The following MPP7 variants were observed in gnomAD, a reference collection of about 807,000 sequenced individuals.
MPP7 encodes MAGUK p55 scaffold protein 7.
MPP7 carries 60 observed loss-of-function variants against 76.5 expected under a neutral mutation model. The ratio of observed to expected loss-of-function variants is 0.78; its 90% CI spans 0.64 to 0.97. The LOEUF is 0.97. Among genes scored for constraint, MPP7 ranks in the 50% least tolerant of loss-of-function variants. The pLI is 0.00. For missense variants in MPP7, 641 were observed against 694.0 expected, an observed-to-expected ratio of 0.92 and a Z score of 0.86; for synonymous variants, 237 against 244.5, an observed-to-expected ratio of 0.97 and a Z score of 0.29.
At chr10:28,229,363 A>C (rs1838800921) in intron 2 of MPP7, among the ~76,000 whole-genome samples, 1 of 152,238 alleles carries the variant, frequency 6.6e-6, no homozygotes, top group Non-Finnish European at 1.5e-5. Context: ...CTGCTAACCT[A>C]GCGTTATGTG....
At chr10:28,098,491 C>A (rs977168879) in intron 11 of MPP7, among the ~76,000 whole-genome samples, 2 of 151,440 alleles carry the variant, frequency 1.3e-5, no homozygotes, top group Non-Finnish European at 2.9e-5. Context: ...TTCAAACTTA[C>A]TGTAATATTA....
At chr10:28,273,600 G>A (rs2133047410) in intron 1 of MPP7, among the ~76,000 whole-genome samples, 1 of 152,316 alleles carries the variant, frequency 6.6e-6, no homozygotes, top group South Asian at 2.1e-4. Flanking sequence ...TCATGTTTAA[G>A]AGCAGCATTC....
intron 12 of MPP7, among the ~76,000 whole-genome samples, chr10:28,079,084 C>T (rs571002504): frequency 6.6e-6 from 1 of 152,238 alleles, no homozygotes; most frequent in South Asian, 2.1e-4. Context: ...GACATTATTG[C>T]CTCATTTCAT....
chr10:28,116,999 G>A (rs1005439552), intron 11 of MPP7, among the ~76,000 whole-genome samples: 2 of 152,038 alleles, frequency 1.3e-5, no homozygotes, highest in Admixed American at 1.3e-4. Flanking sequence ...GTGCAAAAAT[G>A]CAAAGACAGT....
chr10:28,233,289 ATTTAG>A (rs1838951924), intron 2 of MPP7, among the ~76,000 whole-genome samples: 1 of 152,242 alleles, frequency 6.6e-6, no homozygotes, highest in African/African-American at 2.4e-5. Flanking sequence ...GAGAACTCAT[ATTTAG>A]TTTAGTATAG....
In MPP7 at chr10:28,302,422, T is replaced by G. The variant is rs557956073; in HGVS notation, c.-132+439A>C. 2.6e-5 allele frequency among the ~76,000 whole-genome samples: 4 copies of G among 152,336 alleles called. No homozygotes were observed. In the South Asian group the frequency reaches 8.3e-4, roughly 32 times the overall value. ...AAACATGTAATTAACACGACCCAAG[T>G]GAAGACGCCTTTCTGGCTTAGGGAA... On this transcript the variant is annotated intron_variant, in intron 1 of 16. Coordinates refer to ENST00000683449, the MANE Select transcript of MPP7 (RefSeq NM_001318170.2).
chr10:28,237,054 T>G (rs1172767359), intron 2 of MPP7: 1 of 152,214 alleles, frequency 6.6e-6, no homozygotes, highest in African/African-American at 2.4e-5. Flanking sequence ...TTTAAATTCT[T>G]AATAGCCTAT....
chr10:28,309,274 C>T (rs1371696799), intron 2 of MPP7, among the ~76,000 whole-genome samples: 2 of 151,876 alleles, frequency 1.3e-5, no homozygotes, highest in South Asian at 2.1e-4. Context: ...ATTAGCTGAG[C>T]GTGGTGGCAG....
At chr10:28,158,880 T>TGTCTC (rs1278553792) in intron 3 of MPP7, among the ~76,000 whole-genome samples, 1 of 152,182 alleles carries the variant, frequency 6.6e-6, no homozygotes, top group African/African-American at 2.4e-5. Flanking sequence ...GGCCAACTTC[T>TGTCTC]GTCTCCCTGT....
chr10:28,304,437 T>A (rs1330601403), upstream of MPP7, among the ~76,000 whole-genome samples: 1 of 152,130 alleles, frequency 6.6e-6, no homozygotes, highest in African/African-American at 2.4e-5. Context: ...AAGGTAAACA[T>A]AAACTTAAAG....
At position 28,262,216 on chromosome 10, in the gene MPP7, TATATATATACATATATATATATATATAC is replaced by T. The variant is rs1564741326; in HGVS notation, c.-131-23509_-131-23482del. On this transcript the variant is annotated intron_variant, in intron 1 of 16. Coordinates refer to ENST00000683449, the MANE Select transcript of MPP7 (RefSeq NM_001318170.2). Reference sequence around the variant, plus strand: ...ATATATATATATATATACATATATATATATATATACATATATATATATATATACATATATATATATATGTATATATATA... The same window carrying T: ...ATATATATATATATATACATATATATATATATATATATATGTATATATATA... Among the ~76,000 whole-genome samples the T allele has an allele frequency of 5.5e-3, 340 of 61,300 alleles. 37 individuals are homozygous for T. Among genetic ancestry groups the T allele is most frequent in the African/African-American group, 0.024 (314 of 12,864 alleles). 40.2% of individuals were successfully genotyped at this position (61,300 alleles called of 152,430 possible).
chr10:28,327,866 T>C (rs571530288), intron 2 of MPP7, among the ~76,000 whole-genome samples: 46 of 152,160 alleles, frequency 3.0e-4, no homozygotes, highest in Non-Finnish European at 5.9e-4. Context: ...CAGAAAGAGC[T>C]CGGATAATAA....
intron 11 of MPP7, among the ~76,000 whole-genome samples, chr10:28,094,513 T>C (rs1853472055): frequency 6.6e-6 from 1 of 152,144 alleles, no homozygotes; most frequent in African/African-American, 2.4e-5. Context: ...CTGTGGCATA[T>C]GGTAAGTGCT....
chr10:28,164,672 T>A (rs965850042), intron 3 of MPP7, among the ~76,000 whole-genome samples: 1 of 151,868 alleles, frequency 6.6e-6, no homozygotes, highest in Non-Finnish European at 1.5e-5. Context: ...TATGAGATTT[T>A]TTTTTTTCAG....
At chr10:28,271,830 C>A (rs564315961) in intron 1 of MPP7, among the ~76,000 whole-genome samples, 1 of 152,202 alleles carries the variant, frequency 6.6e-6, no homozygotes, top group South Asian at 2.1e-4. Flanking sequence ...AAAAAATTAA[C>A]CAAGCGTGGT....
chr10:28,184,180 CTT>C (rs1312582964), intron 3 of MPP7, among the ~76,000 whole-genome samples: 1 of 113,806 alleles, frequency 8.8e-6, no homozygotes. Context: ...AGATCTATGT[CTT>C]TATATATCAA....
chr10:28,072,036 G>A (rs972659839), intron 12 of MPP7, among the ~76,000 whole-genome samples: 31 of 152,296 alleles, frequency 2.0e-4, no homozygotes, highest in Non-Finnish European at 3.1e-4. Flanking sequence ...CACTTTGGGA[G>A]GCCGAGGTAG....
intron 15 of MPP7, chr10:28,057,618 T>C: frequency 2.8e-6 from 1 of 363,332 alleles, no homozygotes; most frequent in Non-Finnish European, 4.0e-6. Context: ...TTTTTTTTTT[T>C]TTTTTTTTTT....
chr10:28,284,290 C>T (rs1016706925), intron 1 of MPP7, among the ~76,000 whole-genome samples: 1 of 152,158 alleles, frequency 6.6e-6, no homozygotes, highest in Non-Finnish European at 1.5e-5. Context: ...CACAAATGTA[C>T]ACAGACATTT....
Sources: gnomAD v4.1 joint callset for allele counts (sites outside exome capture counted in the v4.1 genomes callset) on GRCh38, gnomAD v4.1.1 for gene constraint, MANE v1.5 for transcripts, NCBI Gene and HGNC (gene_info 2026-07-23, HGNC 2026-07-21) for gene names.